SMAD7: variants seen among roughly 807,000 people sequenced by gnomAD.
SMAD7 encodes the protein MAD (mothers against decapentaplegic, Drosophila) homolog 7.
SMAD7 carries 8 observed loss-of-function variants against 38.7 expected under a neutral mutation model. The ratio of observed to expected loss-of-function variants is 0.21; its 90% CI spans 0.12 to 0.37. The LOEUF (loss-of-function observed/expected upper bound fraction) is 0.37. Ranked by LOEUF, SMAD7 falls within the 10% of genes least tolerant of loss-of-function variation. The pLI is 1.00. For synonymous variants in SMAD7, 327 were observed against 265.1 expected (o/e 1.23, Z -2.27); for missense variants, 477 against 577.9 (o/e 0.83, Z 1.79).
At position 48,950,493 on chromosome 18, in the gene SMAD7, G is replaced by T; in HGVS notation, c.-69C>A. The T allele has an allele frequency of 1.4e-6, 2 of 1,424,066 alleles. No individual in the cohort carries two copies. Among genetic ancestry groups the T allele is most frequent in the Non-Finnish European group, 1.9e-6 (2 of 1,076,642 alleles). The allele number at this position is 1,424,066 out of a possible 1,614,324, so 88.2% of individuals were successfully genotyped here. A position where few individuals can be genotyped will look rare whatever the true frequency, so the allele number is the denominator to read the frequency against. On this transcript the variant is annotated 5_prime_UTR_variant, in exon 1 of 4. Coordinates refer to ENST00000262158, the MANE Select transcript of SMAD7 (RefSeq NM_005904.4). ...AGCGAACATGACCTCCGCACACCATGAAGAAGTCGGGCGCCGAGTTGGGGC... is the reference window on the plus strand; with the variant it reads ...AGCGAACATGACCTCCGCACACCATTAAGAAGTCGGGCGCCGAGTTGGGGC...
At chr18:48,946,814 C>G (rs949250839) in intron 2 of SMAD7, among the ~76,000 whole-genome samples, 3 of 152,216 alleles carry the variant, frequency 2.0e-5, no homozygotes, top group African/African-American at 4.8e-5. Flanking sequence ...ATCCTGAGAA[C>G]AGATTTATCC....
intron 1 of SMAD7, among the ~76,000 whole-genome samples, chr18:48,949,005 A>G (rs999480389): frequency 1.3e-5 from 2 of 152,214 alleles, no homozygotes; most frequent in African/African-American, 2.4e-5. Context: ...AAAGGAAGGA[A>G]TGGAGAAAGC....
chr18:48,949,490 A>C, intron 1 of SMAD7, among the ~76,000 whole-genome samples: 1 of 149,304 alleles, frequency 6.7e-6, no homozygotes. Flanking sequence ...CCCCTTGTTG[A>C]TCCGGAAATG....
At chr18:48,949,730 T>G in intron 1 of SMAD7, 82 bp downstream of exon 1, 1 of 1,440,072 alleles carries the variant, frequency 6.9e-7, no homozygotes, top group Non-Finnish European at 9.3e-7. Context: ...GAGGGATGGC[T>G]GCACAAACGC....
intron 3 of SMAD7, among the ~76,000 whole-genome samples, chr18:48,929,329 G>A (rs1023405568): frequency 1.3e-5 from 2 of 152,014 alleles, no homozygotes; most frequent in Admixed American, 6.6e-5. Flanking sequence ...CATGACCCTG[G>A]CACCCCCAGG....
intron 3 of SMAD7, among the ~76,000 whole-genome samples, chr18:48,930,720 G>A (rs919693043): frequency 1.3e-5 from 2 of 150,100 alleles, no homozygotes; most frequent in Non-Finnish European, 3.0e-5. Flanking sequence ...GGTGTGTGCC[G>A]ACACATGAGG....
chr18:48,924,358 C>T (rs2069900231), intron 3 of SMAD7, among the ~76,000 whole-genome samples: 1 of 151,986 alleles, frequency 6.6e-6, no homozygotes, highest in African/African-American at 2.4e-5. Context: ...GACCTGAGAT[C>T]GAGGTGCCCC....
chr18:48,932,608 A>C (rs891579289), intron 3 of SMAD7, among the ~76,000 whole-genome samples: 1 of 152,182 alleles, frequency 6.6e-6, no homozygotes, highest in African/African-American at 2.4e-5. Context: ...AGTGAACTCC[A>C]CAGAGCTTGG....
At chr18:48,934,613 G>C (rs754409941) in intron 3 of SMAD7, among the ~76,000 whole-genome samples, 32 of 152,122 alleles carry the variant, frequency 2.1e-4, no homozygotes, top group Non-Finnish European at 3.8e-4. Context: ...AGTCATGAAA[G>C]ATTCTTTAGT....
chr18:48,921,965 GA>G lies in SMAD7; in HGVS notation c.743-56del. 7.2e-7 allele frequency: 1 copy of G among 1,386,456 alleles called. No homozygotes were observed. Among genetic ancestry groups the G allele is most frequent in the East Asian group, 2.3e-5 (1 of 43,654 alleles). The allele number at this position is 1,386,456 out of a possible 1,614,324, so 85.9% of individuals were successfully genotyped here. Reference sequence around the variant, plus strand: ...TGGGGACAGGCATTGGTGACTCCTAGAATGAAGACACCCGCCCCCCCACTGC... The same window carrying G: ...TGGGGACAGGCATTGGTGACTCCTAGATGAAGACACCCGCCCCCCCACTGC... On this transcript the variant is annotated intron_variant, in intron 3 of 3. Coordinates refer to ENST00000262158, the MANE Select transcript of SMAD7 (RefSeq NM_005904.4). The surrounding 1 kb of genome is among the most constrained non-coding windows in gnomAD (Gnocchi z 6.4).
chr18:48,944,980 G>C (rs62105270), intron 2 of SMAD7, among the ~76,000 whole-genome samples: 22 of 152,120 alleles, frequency 1.4e-4, no homozygotes, highest in Non-Finnish European at 5.9e-5. Context: ...GCCAAGGAGC[G>C]AACTATTGAG....
At position 48,935,947 on chromosome 18, in the gene SMAD7, C is replaced by T. The variant is rs187586575; in HGVS notation, c.742+6534G>A. Among the ~76,000 whole-genome samples the T allele has an allele frequency of 1.6e-3, 249 of 152,184 alleles. 7 individuals carry two copies. In the East Asian group the frequency reaches 0.041, roughly 25 times the overall value. On this transcript the variant is annotated intron_variant, in intron 3 of 3. Transcript: ENST00000262158. ...AAAATTAGCCAGGCATGGTGTGGCA[C>T]GCCTGTAATCCCAGCTGCTAGGGAT...
intron 3 of SMAD7, among the ~76,000 whole-genome samples, chr18:48,930,991 A>G (rs931974936): frequency 1.9e-4 from 29 of 152,242 alleles, no homozygotes. Flanking sequence ...TTAAAAAAGA[A>G]GGAAATTCTG....
chr18:48,942,714 C>G, intron 2 of SMAD7, 159 bp from the exon 3 acceptor site: 1 of 1,513,742 alleles, frequency 6.6e-7, no homozygotes, highest in Non-Finnish European at 8.8e-7. Flanking sequence ...GCTCAGGCTT[C>G]ACTGCCCATC....
chr18:48,930,608 C>T (rs1034793273), intron 3 of SMAD7, among the ~76,000 whole-genome samples: 5 of 152,082 alleles, frequency 3.3e-5, no homozygotes, highest in African/African-American at 1.2e-4. Flanking sequence ...TCCCCCACCG[C>T]GCAGGGACAG....
intron 3 of SMAD7, among the ~76,000 whole-genome samples, chr18:48,934,920 G>C (rs954505611): frequency 6.6e-5 from 10 of 152,272 alleles, no homozygotes; most frequent in African/African-American, 2.4e-4. Context: ...CTTACAAGGT[G>C]AAAGTTATCA....
intron 3 of SMAD7, among the ~76,000 whole-genome samples, chr18:48,941,124 CTTCT>C (rs1160811801): frequency 1.3e-5 from 2 of 152,130 alleles, no homozygotes; most frequent in East Asian, 3.9e-4. Flanking sequence ...TCTCATTGGC[CTTCT>C]TTCTTTCAAG....
Position 48,950,158 on chromosome 18 carries a change from C to T in SMAD7, c.267G>A (p.Glu89=). The T allele has an allele frequency of 2.0e-6, 3 of 1,491,040 alleles. No homozygotes were observed. The highest frequency in any genetic ancestry group is 1.3e-5 in the South Asian group (1 of 78,720). 92.4% of individuals were successfully genotyped at this position (1,491,040 alleles called of 1,614,324 possible). A position where few individuals can be genotyped will look rare whatever the true frequency, so the allele number is the denominator to read the frequency against. ...AAGAGAAGGA[E]ADLKALTHSV... Reference sequence around the variant, plus strand: ...AGTGCGTGAGCGCCTTCAGATCCGCCTCGGCGCCCCCGGCCGCGCCGGCGC... The same window carrying T: ...AGTGCGTGAGCGCCTTCAGATCCGCTTCGGCGCCCCCGGCCGCGCCGGCGC... Residue 89 remains glutamate, a synonymous_variant, in exon 1 of 4, where the codon GAG becomes GAA. Transcript: ENST00000262158.
At chr18:48,923,353 G>C (rs768245584) in intron 3 of SMAD7, among the ~76,000 whole-genome samples, 4 of 152,192 alleles carry the variant, frequency 2.6e-5, no homozygotes, top group African/African-American at 9.7e-5. Flanking sequence ...CATGGCGGAA[G>C]ATGGGGCCGC....
Sources: gnomAD v4.1 joint callset for allele counts (sites outside exome capture counted in the v4.1 genomes callset) on GRCh38, gnomAD v4.1.1 for gene constraint, Gnocchi (gnomAD v3.1) non-coding constraint, MANE v1.5 for transcripts, NCBI Gene and HGNC (gene_info 2026-07-23, HGNC 2026-07-21) for gene names.